The following GOLGA3 variants were observed in gnomAD, a reference collection of about 807,000 sequenced individuals.
GOLGA3 encodes the protein golgin A3.
A neutral mutation model predicts 169.4 loss-of-function variants in GOLGA3; 75 were observed. That is an observed-to-expected ratio of 0.44 (90% CI 0.37 to 0.54). The LOEUF is 0.54. Among genes scored for constraint, GOLGA3 ranks in the 20% least tolerant of loss-of-function variants. The pLI is 0.00. For synonymous variants in GOLGA3, 824 were observed against 822.4 expected (o/e 1.00, Z -0.03); for missense variants, 1,899 against 1,930.0 (o/e 0.98, Z 0.30).
At chr12:132,802,202 C>T (rs550448640) in intron 7 of GOLGA3, among the ~76,000 whole-genome samples, 3 of 152,394 alleles carry the variant, frequency 2.0e-5, no homozygotes, top group Non-Finnish European at 4.4e-5. Flanking sequence ...CCTCTGCTCA[C>T]AGCACCTTCA....
intron 11 of GOLGA3, 45 bp downstream of exon 11, chr12:132,795,807 C>G (rs759475456): frequency 1.3e-6 from 2 of 1,562,920 alleles, no homozygotes; most frequent in Non-Finnish European, 1.7e-6. Context: ...ATCATTCCTG[C>G]AAGGAGGGTT....
chr12:132,823,546 G>A (rs1950298690), intron 1 of GOLGA3, among the ~76,000 whole-genome samples: 1 of 152,232 alleles, frequency 6.6e-6, no homozygotes, highest in African/African-American at 2.4e-5. Flanking sequence ...AGCACTTTGG[G>A]AGGCCAAGGC....
At chr12:132,784,068 GT>G in intron 16 of GOLGA3, 95 bp downstream of exon 16, 1 of 1,570,804 alleles carries the variant, frequency 6.4e-7, no homozygotes, top group Non-Finnish European at 8.6e-7. Context: ...TGGGCACACG[GT>G]GAAGTTTTGT....
At chr12:132,788,062 G>A (rs767476255) in intron 13 of GOLGA3, among the ~76,000 whole-genome samples, 2 of 151,822 alleles carry the variant, frequency 1.3e-5, no homozygotes, top group Admixed American at 6.5e-5. Flanking sequence ...TGTGGGGTCC[G>A]AACGTGCTCT....
Position 132,772,389 on chromosome 12 carries a change from CA to C in GOLGA3, c.*715del, listed in dbSNP as rs63403663. 0.18 allele frequency: 27,158 copies of C among 151,664 alleles called. 3,097 individuals carry two copies. The highest frequency in any genetic ancestry group is 0.26 in the Non-Finnish European group (17,736 of 67,836). The allele number at this position is 151,664 out of a possible 1,614,324, so 9.4% of individuals were successfully genotyped here. A position where few individuals can be genotyped will look rare whatever the true frequency, so the allele number is the denominator to read the frequency against. On this transcript the variant is annotated 3_prime_UTR_variant, in exon 24 of 24. Coordinates refer to ENST00000450791, the MANE Select transcript of GOLGA3 (RefSeq NM_001389683.1). The stretch of plus-strand genomic sequence containing the variant: ...TGAAACCCCATTGCTACTAAAAATA[CA>C]AACATTAGCCTGGCATAGTGGCGCA...
chr12:132,787,998 T>C (rs1377606233), intron 13 of GOLGA3, among the ~76,000 whole-genome samples: 1 of 152,044 alleles, frequency 6.6e-6, no homozygotes, highest in Admixed American at 6.5e-5. Context: ...CTCGCAGCCT[T>C]TCCCCAGCTC....
intron 17 of GOLGA3, among the ~76,000 whole-genome samples, chr12:132,781,739 G>A (rs1238201865): frequency 6.6e-6 from 1 of 152,190 alleles, no homozygotes; most frequent in East Asian, 1.9e-4. Context: ...GAAATGCCCA[G>A]CCTAGTCCTC....
intron 3 of GOLGA3, among the ~76,000 whole-genome samples, chr12:132,814,776 A>AG (rs1186670401): frequency 6.6e-6 from 1 of 152,236 alleles, no homozygotes; most frequent in Non-Finnish European, 1.5e-5. Context: ...CCGGGACAGG[A>AG]GGGGAAAATT....
At chr12:132,784,638 A>G (rs1009321) in intron 15 of GOLGA3, among the ~76,000 whole-genome samples, 100,533 of 152,122 alleles carry the variant, frequency 0.66, 34,340 homozygotes, top group African/African-American at 0.81. Flanking sequence ...TACCACACAC[A>G]TGCTCACGCA....
At position 132,808,316 on chromosome 12, in the gene GOLGA3, A is replaced by C. The variant is rs202225122; in HGVS notation, c.753T>G (p.Thr251=). ...SKIRSLADYR[T]EDSNAGNSGG... ...CAGAATTCCCCGCATTTGAATCTTC[A>C]GTTCTGTAATCGGCCAGAGACCGGA... Residue 251 remains threonine (T), a synonymous_variant, in exon 5 of 24, where the codon ACT becomes ACG. Transcript: ENST00000450791. 1 of 1,614,104 alleles carries C rather than the reference A, an allele frequency of 6.2e-7. No homozygotes were observed. The highest frequency in any genetic ancestry group is 1.3e-5 in the African/African-American group (1 of 75,008).
At position 132,795,748 on chromosome 12, in the gene GOLGA3, G is replaced by A. The variant is rs1166150188; in HGVS notation, c.2469+104C>T. 47 of 1,269,680 alleles carry A rather than the reference G, an allele frequency of 3.7e-5. No individual in the cohort carries two copies. The East Asian group carries it at 6.1e-4, about 16-fold the overall frequency. 78.7% of individuals were successfully genotyped at this position (1,269,680 alleles called of 1,614,324 possible). On this transcript the variant is annotated intron_variant, in intron 11 of 23. Coordinates refer to ENST00000450791, the MANE Select transcript of GOLGA3 (RefSeq NM_001389683.1). Reference sequence around the variant, plus strand: ...TGCACTCCAGCCTGGGCAACACAGCGAGACTGTTTCAAAAAAAAAAGAAAG... The same window carrying A: ...TGCACTCCAGCCTGGGCAACACAGCAAGACTGTTTCAAAAAAAAAAGAAAG...
chr12:132,820,191 C>T (rs1038998221), intron 2 of GOLGA3, among the ~76,000 whole-genome samples: 2 of 151,070 alleles, frequency 1.3e-5, no homozygotes, highest in African/African-American at 4.9e-5. Flanking sequence ...AAAAAAAAAT[C>T]AGCTAGGCGT....
At chr12:132,783,345 T>A (rs1256375343) in intron 16 of GOLGA3, among the ~76,000 whole-genome samples, 1 of 151,700 alleles carries the variant, frequency 6.6e-6, no homozygotes, top group Non-Finnish European at 1.5e-5. Flanking sequence ...CCCAGCCTTC[T>A]CCTGGGGCCA....
At chr12:132,800,644 G>A (rs1566110032) in intron 8 of GOLGA3, among the ~76,000 whole-genome samples, 1 of 151,324 alleles carries the variant, frequency 6.6e-6, no homozygotes, top group East Asian at 1.9e-4. Flanking sequence ...TTTTATCTGG[G>A]AAAAAAAAAT....
chr12:132,808,413 C>T lies in GOLGA3; in HGVS notation c.656G>A (p.Arg219Gln), dbSNP rs774878722. The stretch of plus-strand genomic sequence containing the variant: ...CCCCAGGCTGCCCACCTTAGGCCCC[C>T]GAGGGACACTGGTGCGCAGGAAGGA... ...EYSFLRTSVP[R>Q]GPKVGSLGLP... Residue 219 changes from arginine (R) to glutamine (Q), a missense_variant, in exon 5 of 24, where the codon CGG becomes CAG. Coordinates refer to ENST00000450791, the MANE Select transcript of GOLGA3 (RefSeq NM_001389683.1). 5.0e-6 allele frequency: 8 copies of T among 1,614,000 alleles called. No homozygotes were observed. The highest frequency in any genetic ancestry group is 5.1e-6 in the Non-Finnish European group (6 of 1,180,042).
At position 132,805,003 on chromosome 12, in the gene GOLGA3, T is replaced by A; in HGVS notation, c.1310A>T (p.Glu437Val). 6.2e-7 allele frequency: 1 copy of A among 1,609,666 alleles called. No homozygotes were observed. Among genetic ancestry groups the A allele is most frequent in the African/African-American group, 1.3e-5 (1 of 75,036 alleles). Residue 437 changes from glutamate (E) to valine (V), a missense_variant, in exon 7 of 24, where the codon GAG (glutamate) becomes GTG (valine). Glu to Val is a moderately radical substitution (Grantham distance 121, BLOSUM62 -2). Transcript: ENST00000450791. The part of the protein sequence containing the change: ...EASQALKEKA[E>V]LQAQLAALST... ...GAGGGCGGCCAGCTGGGCCTGCAGCTCAGCCTTCTCTTTAAGTGCCTGAAA... is the reference window on the plus strand; with the variant it reads ...GAGGGCGGCCAGCTGGGCCTGCAGCACAGCCTTCTCTTTAAGTGCCTGAAA...
intron 3 of GOLGA3, 108 bp downstream of exon 3, chr12:132,816,432 G>T: frequency 8.7e-7 from 1 of 1,151,076 alleles, no homozygotes; most frequent in Non-Finnish European, 1.3e-6. Flanking sequence ...GCACACGGCA[G>T]GCACAGGCAC....
Position 132,773,015 on chromosome 12 carries a change from G to T in GOLGA3, c.*90C>A. On this transcript the variant is annotated 3_prime_UTR_variant, in exon 24 of 24. Transcript: ENST00000450791. ...AGGCAAAACAAAACTTAAATTTCAT[G>T]TCTTAGAAAAACATCGACCACACAA... 2.0e-6 allele frequency: 2 copies of T among 976,400 alleles called. No homozygotes were observed. Among genetic ancestry groups the T allele is most frequent in the South Asian group, 1.8e-5 (1 of 54,472 alleles). The allele number at this position is 976,400 out of a possible 1,614,324, so 60.5% of individuals were successfully genotyped here.
intron 11 of GOLGA3, among the ~76,000 whole-genome samples, chr12:132,792,798 G>A (rs57499634): frequency 0.3 from 13,724 of 45,622 alleles, 3,140 homozygotes; most frequent in Non-Finnish European, 0.41. Context: ...GGCTCCACAC[G>A]GACCCACCCC....
Sources: allele counts gnomAD v4.1 joint callset (sites outside exome capture counted in the v4.1 genomes callset), GRCh38; gene constraint gnomAD v4.1.1; transcripts MANE v1.5; gene names NCBI Gene and HGNC (gene_info 2026-07-23, HGNC 2026-07-21).